The following DTNB variants were observed in gnomAD, a reference collection of about 807,000 sequenced individuals.
DTNB encodes DTN-B.
DTNB carries 63 observed loss-of-function variants against 90.7 expected under a neutral mutation model. The observed-to-expected ratio is 0.69, with a 90% CI of 0.57 to 0.86. DTNB has a LOEUF of 0.86. DTNB is among the 40% of genes least tolerant of loss of function. The probability of loss-of-function intolerance (pLI) is 0.00; values close to 1 mark genes in which losing one functional copy is unlikely to be tolerated. For synonymous variants in DTNB, 277 were observed against 286.7 expected (o/e 0.97, Z 0.34); for missense variants, 744 against 807.1 (o/e 0.92, Z 0.95).
intron 10 of DTNB, among the ~76,000 whole-genome samples, chr2:25,461,647 T>C (rs761488712): frequency 2.6e-5 from 4 of 152,180 alleles, no homozygotes; most frequent in South Asian, 2.1e-4. Context: ...CTGATGGAAA[T>C]TGAGCACCTG....
intron 9 of DTNB, among the ~76,000 whole-genome samples, chr2:25,517,436 A>G (rs1400987122): frequency 6.6e-6 from 1 of 152,238 alleles, no homozygotes; most frequent in Admixed American, 6.5e-5. Context: ...AACATAAATT[A>G]CACCTCAAAA....
chr2:25,628,160 G>T lies in DTNB; in HGVS notation c.362+11C>A, dbSNP rs913083353. On this transcript the variant is annotated intron_variant, in intron 4 of 20. Coordinates refer to ENST00000406818, the MANE Select transcript of DTNB (RefSeq NM_021907.5). ...AAATGAAGTAAGCGTGTAAGGTAAG[G>T]TACTACTAGCCTGTCATATGCAGCA... The T allele has an allele frequency of 6.2e-7, 1 of 1,611,798 alleles. No individual in the cohort carries two copies. Among genetic ancestry groups the T allele is most frequent in the Non-Finnish European group, 8.5e-7 (1 of 1,177,966 alleles).
intron 16 of DTNB, among the ~76,000 whole-genome samples, chr2:25,410,189 A>C (rs2046246925): frequency 6.6e-6 from 1 of 152,112 alleles, no homozygotes; most frequent in African/African-American, 2.4e-5. Flanking sequence ...CTGAGGAGAT[A>C]ATGTTTTTGG....
intron 8 of DTNB, among the ~76,000 whole-genome samples, chr2:25,540,222 T>C (rs771344367): frequency 6.6e-6 from 1 of 152,226 alleles, no homozygotes; most frequent in Non-Finnish European, 1.5e-5. Context: ...ATCAAATCTA[T>C]AGATAATTCT....
intron 8 of DTNB, among the ~76,000 whole-genome samples, chr2:25,554,958 T>A (rs1003407808): frequency 2.0e-5 from 3 of 152,138 alleles, no homozygotes; most frequent in African/African-American, 7.2e-5. Flanking sequence ...TTGGAGGATA[T>A]GGAGAGCTTC....
chr2:25,607,458 G>T, intron 4 of DTNB, 137 bp from the exon 5 acceptor site: 20 of 812,594 alleles, frequency 2.5e-5, no homozygotes, highest in East Asian at 1.5e-4. Flanking sequence ...TAGAAACCCT[G>T]GATTTTTTTT....
At chr2:25,541,504 A>G (rs1423799617) in intron 8 of DTNB, among the ~76,000 whole-genome samples, 1 of 152,124 alleles carries the variant, frequency 6.6e-6, no homozygotes, top group African/African-American at 2.4e-5. Flanking sequence ...ATACATAAAT[A>G]AAAATAAATA....
chr2:25,536,221 G>A (rs180685621), intron 8 of DTNB, among the ~76,000 whole-genome samples: 554 of 150,616 alleles, frequency 3.7e-3, no homozygotes, highest in African/African-American at 0.013. Flanking sequence ...CCTCCCAGAC[G>A]GGGCGGCCGG....
In DTNB at chr2:25,526,381, ATATATATATATATATT is replaced by A. The variant is rs1221944825; in HGVS notation, c.1001+5076_1001+5091del. 8.5e-4 allele frequency among the ~76,000 whole-genome samples: 45 copies of A among 52,796 alleles called. 1 individual carries two copies. The highest frequency in any genetic ancestry group is 4.5e-3 in the African/African-American group (42 of 9,244). 34.6% of individuals were successfully genotyped at this position (52,796 alleles called of 152,430 possible). On this transcript the variant is annotated intron_variant, in intron 9 of 20. Coordinates refer to ENST00000406818, the MANE Select transcript of DTNB (RefSeq NM_021907.5). ...TATATAAATATATATATATATATAT[ATATATATATATATATT>A]TTTTTTTTTTTAATTGAGACAGAGT...
rs534809421 is a variant in DTNB, at chr2:25,419,552, GA to G, written c.1555-18del. 60 of 1,524,026 alleles carry G rather than the reference GA, an allele frequency of 3.9e-5. No individual in the cohort carries two copies. Among genetic ancestry groups the G allele is most frequent in the Admixed American group, 1.3e-4 (6 of 45,372 alleles). The allele number at this position is 1,524,026 out of a possible 1,614,324, so 94.4% of individuals were successfully genotyped here. ...CTCTTCCTCCTGGAGTGTTGAAGATGAAAAAAAAAGGCAGAGGAAAAAAGGA... is the reference window on the plus strand; with the variant it reads ...CTCTTCCTCCTGGAGTGTTGAAGATGAAAAAAAAGGCAGAGGAAAAAAGGA... On this transcript the variant is annotated intron_variant, in intron 15 of 20. Transcript: ENST00000406818.
At chr2:25,523,156 T>G (rs2076444546) in intron 9 of DTNB, among the ~76,000 whole-genome samples, 1 of 152,226 alleles carries the variant, frequency 6.6e-6, no homozygotes, top group Non-Finnish European at 1.5e-5. Context: ...TAAATTCTGG[T>G]TAGCCTACTG....
intron 4 of DTNB, among the ~76,000 whole-genome samples, chr2:25,615,383 T>C (rs1035294359): frequency 5.9e-5 from 9 of 152,236 alleles, no homozygotes; most frequent in Admixed American, 5.9e-4. Context: ...CCCCTCTTCC[T>C]TCTTGGAGGT....
intron 4 of DTNB, among the ~76,000 whole-genome samples, chr2:25,618,660 C>T (rs1036357378): frequency 1.3e-5 from 2 of 152,152 alleles, no homozygotes; most frequent in Non-Finnish European, 2.9e-5. Context: ...TCTATCAAGA[C>T]ACTAAGATGA....
At chr2:25,554,802 T>C (rs2151137839) in intron 8 of DTNB, among the ~76,000 whole-genome samples, 1 of 152,298 alleles carries the variant, frequency 6.6e-6, no homozygotes, top group African/African-American at 2.4e-5. Flanking sequence ...TGATGCTATT[T>C]TGATGAAGTT....
intron 9 of DTNB, among the ~76,000 whole-genome samples, chr2:25,514,430 C>T (rs1343812158): frequency 6.6e-6 from 1 of 152,026 alleles, no homozygotes; most frequent in Admixed American, 6.6e-5. Context: ...GCCTTGTAGA[C>T]CATTGTATAG....
chr2:25,635,069 A>T (rs1474723964), intron 3 of DTNB, among the ~76,000 whole-genome samples: 1 of 150,354 alleles, frequency 6.7e-6, no homozygotes, highest in African/African-American at 2.4e-5. Context: ...AAAATAAAAA[A>T]ATAAAAAAAG....
At chr2:25,662,153 C>G (rs1185619449) in intron 1 of DTNB, among the ~76,000 whole-genome samples, 2 of 107,576 alleles carry the variant, frequency 1.9e-5, no homozygotes, top group African/African-American at 3.0e-5. Flanking sequence ...GAGACTCCGT[C>G]TCAAAAAAAA....
At chr2:25,574,098 T>G (rs1271793049) in intron 8 of DTNB, among the ~76,000 whole-genome samples, 1 of 152,200 alleles carries the variant, frequency 6.6e-6, no homozygotes. Context: ...ACTACTCACA[T>G]GGTTCCATTT....
chr2:25,534,585 G>A (rs952713561), intron 8 of DTNB, among the ~76,000 whole-genome samples: 6 of 150,354 alleles, frequency 4.0e-5, no homozygotes, highest in South Asian at 2.1e-4. Flanking sequence ...CTTCCCAGAC[G>A]GGGCGGCTGG....
Sources: allele counts gnomAD v4.1 joint callset (sites outside exome capture counted in the v4.1 genomes callset), GRCh38; gene constraint gnomAD v4.1.1; transcripts MANE v1.5; gene names NCBI Gene and HGNC (gene_info 2026-07-23, HGNC 2026-07-21).